Variants in NKAIN2 observed in about 807,000 individuals in gnomAD.
NKAIN2 encodes sodium/potassium transporting ATPase interacting 2, also known as sodium/potassium-transporting ATPase subunit beta-1-interacting protein 2.
In NKAIN2, 14 loss-of-function variants were observed where a neutral mutation model predicts 32.6. The observed-to-expected ratio is 0.43, with a 90% confidence interval of 0.28 to 0.67. The LOEUF is 0.67. NKAIN2 is among the 30% of genes least tolerant of loss of function. NKAIN2 has a pLI of 0.17. For missense variants in NKAIN2, 198 were observed against 258.3 expected (o/e 0.77, Z 1.60); for synonymous variants, 80 against 87.2 (o/e 0.92, Z 0.46).
At chr6:124,606,836 TCCAA>T (rs1782519215) in intron 3 of NKAIN2, among the ~76,000 whole-genome samples, 1 of 152,114 alleles carries the variant, frequency 6.6e-6, no homozygotes, top group African/African-American at 2.4e-5. Context: ...TCTTGCTCCT[TCCAA>T]AGAAGGGGTT....
chr6:123,886,820 A>G (rs1043606997), intron 1 of NKAIN2, among the ~76,000 whole-genome samples: 3 of 152,122 alleles, frequency 2.0e-5, no homozygotes, highest in Admixed American at 2.0e-4. Context: ...CTGTATTGAT[A>G]AGCTGCTTTG....
intron 5 of NKAIN2, among the ~76,000 whole-genome samples, chr6:124,795,938 T>C (rs1436759160): frequency 2.0e-5 from 3 of 152,158 alleles, no homozygotes; most frequent in African/African-American, 7.2e-5. Flanking sequence ...GACACTATAT[T>C]GCAAGGGTTT....
intron 1 of NKAIN2, among the ~76,000 whole-genome samples, chr6:124,263,282 A>G (rs1276331705): frequency 1.3e-5 from 2 of 152,200 alleles, no homozygotes; most frequent in Non-Finnish European, 2.9e-5. Context: ...AATTTGATAG[A>G]TTTATTAAAA....
At chr6:123,902,268 A>T (rs781295520) in intron 1 of NKAIN2, among the ~76,000 whole-genome samples, 1 of 152,152 alleles carries the variant, frequency 6.6e-6, no homozygotes, top group Non-Finnish European at 1.5e-5. Context: ...GACTGGATGG[A>T]TTTGATAGTG....
chr6:123,984,224 A>T (rs1779032761), intron 1 of NKAIN2, among the ~76,000 whole-genome samples: 1 of 152,206 alleles, frequency 6.6e-6, no homozygotes, highest in Admixed American at 6.6e-5. Flanking sequence ...CCATTCTTTA[A>T]AGTGAAGGCT....
intron 1 of NKAIN2, among the ~76,000 whole-genome samples, chr6:124,118,532 C>T (rs1268710681): frequency 2.0e-5 from 3 of 151,990 alleles, no homozygotes; most frequent in Non-Finnish European, 4.4e-5. Flanking sequence ...GTAGGGAGCA[C>T]TGTGGTGAGG....
At chr6:124,177,785 T>TGG (rs1443451745) in intron 1 of NKAIN2, among the ~76,000 whole-genome samples, 11 of 2,112 alleles carry the variant, frequency 5.2e-3, no homozygotes, top group South Asian at 0.056. Flanking sequence ...TTTTTTTTTT[T>TGG]TTTTTTTTTT....
intron 4 of NKAIN2, among the ~76,000 whole-genome samples, chr6:124,722,682 G>T (rs898125698): frequency 6.6e-6 from 1 of 152,168 alleles, no homozygotes; most frequent in Non-Finnish European, 1.5e-5. Flanking sequence ...CTCCTCCTCT[G>T]AGGCCCAGTT....
At chr6:124,141,897 A>C (rs1282447169) in intron 1 of NKAIN2, among the ~76,000 whole-genome samples, 1 of 152,184 alleles carries the variant, frequency 6.6e-6, no homozygotes, top group African/African-American at 2.4e-5. Flanking sequence ...ATGACATCTC[A>C]AAATTTTCAG....
chr6:124,288,186 C>T (rs1383629329), intron 2 of NKAIN2, among the ~76,000 whole-genome samples: 2 of 152,134 alleles, frequency 1.3e-5, no homozygotes, highest in Non-Finnish European at 2.9e-5. Flanking sequence ...CTCACATTAA[C>T]TTGACACAAC....
At chr6:124,486,982 G>A (rs79575680) in intron 3 of NKAIN2, among the ~76,000 whole-genome samples, 2,405 of 152,174 alleles carry the variant, frequency 0.016, 66 homozygotes, top group African/African-American at 0.055. Context: ...CAGTTGGCTC[G>A]AGACTGGGTT....
At chr6:124,636,484 T>C (rs1003484265) in intron 3 of NKAIN2, among the ~76,000 whole-genome samples, 1 of 151,598 alleles carries the variant, frequency 6.6e-6, no homozygotes, top group Non-Finnish European at 1.5e-5. Context: ...AGTTGCTCTC[T>C]TGAGAAGAAA....
At chr6:124,092,677 T>C (rs1344384571) in intron 1 of NKAIN2, among the ~76,000 whole-genome samples, 3 of 152,014 alleles carry the variant, frequency 2.0e-5, no homozygotes, top group African/African-American at 2.4e-5. Flanking sequence ...TAAGATGATA[T>C]CTAAATTTCT....
At chr6:124,230,667 C>G (rs1329879521) in intron 1 of NKAIN2, among the ~76,000 whole-genome samples, 4 of 152,212 alleles carry the variant, frequency 2.6e-5, no homozygotes, top group African/African-American at 4.8e-5. Flanking sequence ...ACAGCTCCAG[C>G]TGTTGCTTCA....
intron 3 of NKAIN2, among the ~76,000 whole-genome samples, chr6:124,453,928 G>A (rs575790537): frequency 3.2e-4 from 49 of 152,086 alleles, no homozygotes; most frequent in African/African-American, 1.1e-3. Flanking sequence ...AAACGTATTG[G>A]TAATAAACTG....
intron 3 of NKAIN2, among the ~76,000 whole-genome samples, chr6:124,620,685 A>C (rs1478226199): frequency 6.6e-6 from 1 of 152,226 alleles, no homozygotes; most frequent in Non-Finnish European, 1.5e-5. Context: ...CCTGTCTCAT[A>C]TGGAACACTA....
chr6:124,554,296 T>G (rs1780395781), intron 3 of NKAIN2, among the ~76,000 whole-genome samples: 1 of 152,186 alleles, frequency 6.6e-6, no homozygotes, highest in African/African-American at 2.4e-5. Context: ...TTGCTACAGT[T>G]TTTCTGCTGC....
At chr6:124,102,504 G>A (rs556554736) in intron 1 of NKAIN2, among the ~76,000 whole-genome samples, 4 of 152,286 alleles carry the variant, frequency 2.6e-5, no homozygotes, top group East Asian at 1.9e-4. Context: ...TAAGTCGTTC[G>A]ATGCCCCAAG....
At chr6:124,698,611 T>C (rs1170442572) in intron 4 of NKAIN2, among the ~76,000 whole-genome samples, 5 of 152,216 alleles carry the variant, frequency 3.3e-5, no homozygotes, top group Admixed American at 6.5e-5. Context: ...GGATAATTAC[T>C]TTGCTCTCTA....
Sources: allele counts gnomAD v4.1 joint callset (sites outside exome capture counted in the v4.1 genomes callset), GRCh38; gene constraint gnomAD v4.1.1; transcripts MANE v1.5; gene names NCBI Gene and HGNC (gene_info 2026-07-23, HGNC 2026-07-21).